Variants in ORC5 observed in about 807,000 individuals in gnomAD.
ORC5 encodes the protein origin recognition complex subunit 5, also known as protein phosphatase 1, regulatory subunit 117.
A neutral mutation model predicts 58.8 loss-of-function variants in ORC5; 39 were observed. The observed-to-expected ratio is 0.66, with a 90% CI of 0.51 to 0.87. The LOEUF is 0.87. Ranked by LOEUF, ORC5 falls within the 40% of genes least tolerant of loss-of-function variation. The probability of loss-of-function intolerance (pLI) is 0.00; values close to 1 mark genes in which losing one functional copy is unlikely to be tolerated. For synonymous variants in ORC5, 218 were observed against 177.6 expected (o/e 1.23, Z -1.81); for missense variants, 493 against 506.3 (o/e 0.97, Z 0.25).
At chr7:104,126,951 T>C in intron 13 of ORC5, 58 bp from the exon 14 acceptor site, 1 of 1,267,420 alleles carries the variant, frequency 7.9e-7, no homozygotes, top group Non-Finnish European at 1.1e-6. Flanking sequence ...CTCAGCTTTG[T>C]ATGATTCTGG....
chr7:104,179,421 C>G (rs1354815922), intron 8 of ORC5, among the ~76,000 whole-genome samples: 1 of 152,090 alleles, frequency 6.6e-6, no homozygotes, highest in African/African-American at 2.4e-5. Context: ...TGTGATCAAG[C>G]TGGCTGTAAT....
At chr7:104,183,873 TTTAAG>T (rs1340508609) in intron 8 of ORC5, 65 bp downstream of exon 8, 23 of 1,020,110 alleles carry the variant, frequency 2.3e-5, no homozygotes, top group African/African-American at 4.9e-5. Flanking sequence ...CTCTCTGTTA[TTTAAG>T]TTGAGAGAGT....
chr7:104,159,868 C>CA (rs1798995365), intron 12 of ORC5, among the ~76,000 whole-genome samples: 1 of 152,148 alleles, frequency 6.6e-6, no homozygotes, highest in Non-Finnish European at 1.5e-5. Context: ...AAACACAAAA[C>CA]AAAAAATTCC....
intron 8 of ORC5, 50 bp from the exon 9 acceptor site, chr7:104,168,575 T>C: frequency 8.1e-7 from 1 of 1,235,690 alleles, no homozygotes; most frequent in Non-Finnish European, 1.1e-6. Context: ...ATAAAATCAA[T>C]ATGGTGTACT....
chr7:104,148,760 A>ATGT (rs1798800106), intron 12 of ORC5, among the ~76,000 whole-genome samples: 1 of 152,164 alleles, frequency 6.6e-6, no homozygotes, highest in African/African-American at 2.4e-5. Flanking sequence ...ATATTGGCCA[A>ATGT]TGTTGGCTCA....
chr7:104,133,080 C>G lies in ORC5; in HGVS notation c.1262+3701G>C, dbSNP rs1300724952. Among the ~76,000 whole-genome samples the G allele has an allele frequency of 6.6e-6, 1 of 151,976 alleles. No individual in the cohort carries two copies. Among genetic ancestry groups the G allele is most frequent in the Non-Finnish European group, 1.5e-5 (1 of 68,004 alleles). ...AGATGGGGCTAGGCACAGGTAGGGG[C>G]CAGATCATTTGGGCCTTGTTAGTTA... On this transcript the variant is annotated intron_variant, in intron 13 of 13. Coordinates refer to ENST00000297431, the MANE Select transcript of ORC5 (RefSeq NM_002553.4). The surrounding 1 kb of genome is among the most constrained non-coding windows in gnomAD (Gnocchi z 4.7).
At position 104,136,780 on chromosome 7, in the gene ORC5, C is replaced by T. The variant is rs753337956; in HGVS notation, c.1262+1G>A. On this transcript the variant is annotated splice_donor_variant, in intron 13 of 13. Transcript: ENST00000297431. LOFTEE classifies it high-confidence loss of function. This position sits in a 1 kb window ranked among gnomAD's most constrained non-coding sequence, Gnocchi z 4.2. ...TCATTACATAATTCAAGACATTTTACCTTGCAATAGCTCTGATGAAGTCTA... is the reference window on the plus strand; with the variant it reads ...TCATTACATAATTCAAGACATTTTATCTTGCAATAGCTCTGATGAAGTCTA... 1.3e-6 allele frequency: 2 copies of T among 1,591,422 alleles called. No individual in the cohort carries two copies. The highest frequency in any genetic ancestry group is 1.1e-5 in the South Asian group (1 of 90,348).
intron 8 of ORC5, among the ~76,000 whole-genome samples, chr7:104,173,409 T>C (rs903632275): frequency 6.6e-6 from 1 of 152,168 alleles, no homozygotes; most frequent in Non-Finnish European, 1.5e-5. Flanking sequence ...TCTTTTAGAG[T>C]CCCTCTCTGT....
chr7:104,194,816 C>G (rs1375929151), intron 5 of ORC5, among the ~76,000 whole-genome samples: 1 of 151,988 alleles, frequency 6.6e-6, no homozygotes, highest in Non-Finnish European at 1.5e-5. Flanking sequence ...GAGAGCTGCT[C>G]ATCCAAAAAA....
intron 1 of ORC5, among the ~76,000 whole-genome samples, chr7:104,207,147 G>C (rs150872768): frequency 5.5e-4 from 83 of 152,248 alleles, no homozygotes; most frequent in African/African-American, 1.9e-3. Context: ...TTCTGATTGA[G>C]TCTGAATCAA....
chr7:104,158,056 T>C (rs923649726), intron 12 of ORC5, among the ~76,000 whole-genome samples: 35 of 152,094 alleles, frequency 2.3e-4, no homozygotes, highest in African/African-American at 8.0e-4. Context: ...ATAATAAACA[T>C]GTATCACTTA....
chr7:104,200,378 T>C (rs1365631591), intron 3 of ORC5, among the ~76,000 whole-genome samples: 1 of 152,210 alleles, frequency 6.6e-6, no homozygotes, highest in Non-Finnish European at 1.5e-5. Context: ...TGGCCTCCAT[T>C]TTCAGCTGCA....
At chr7:104,194,609 A>G (rs1274354274) in intron 5 of ORC5, among the ~76,000 whole-genome samples, 1 of 152,196 alleles carries the variant, frequency 6.6e-6, no homozygotes, top group East Asian at 1.9e-4. Context: ...GTTACAGTAA[A>G]GAAAATGAGA....
intron 5 of ORC5, among the ~76,000 whole-genome samples, chr7:104,189,385 T>C (rs1231034625): frequency 6.6e-6 from 1 of 152,060 alleles, no homozygotes; most frequent in Non-Finnish European, 1.5e-5. Context: ...GAGAACAGCA[T>C]GGGGGAATCG....
At chr7:104,153,002 T>C (rs1190620311) in intron 12 of ORC5, among the ~76,000 whole-genome samples, 2 of 152,220 alleles carry the variant, frequency 1.3e-5, no homozygotes, top group African/African-American at 2.4e-5. Flanking sequence ...AGAAATTTAA[T>C]GGCAGATTTA....
chr7:104,171,853 TCAAAAAAA>T (rs1346017842), intron 8 of ORC5, among the ~76,000 whole-genome samples: 6 of 152,066 alleles, frequency 3.9e-5, no homozygotes, highest in South Asian at 4.1e-4. Context: ...GGACCCTGTC[TCAAAAAAA>T]CAAAAAAACA....
At chr7:104,207,797 G>C (rs370087332) in intron 1 of ORC5, 36 bp downstream of exon 1, 1 of 1,570,064 alleles carries the variant, frequency 6.4e-7, no homozygotes, top group Admixed American at 1.7e-5. Flanking sequence ...CGAAACGTCT[G>C]CCTCCAGGAT....
chr7:104,204,175 G>C lies in ORC5; in HGVS notation c.132C>G (p.Thr44=). The C allele has an allele frequency of 1.3e-6, 2 of 1,598,168 alleles. No homozygotes were observed. The highest frequency in any genetic ancestry group is 8.5e-7 in the Non-Finnish European group (1 of 1,171,186). The stretch of plus-strand genomic sequence containing the variant: ...TTTTCAACAACGTTTGTGTTACATA[G>C]GTCTTTCCACTAGCAGTATGTCCAT... ...FIYGHTASGK[T]YVTQTLLKTL... is the part of the protein sequence containing the mutation. Residue 44 remains threonine, a synonymous_variant, in exon 2 of 14, where the codon ACC becomes ACG. Coordinates refer to ENST00000297431, the MANE Select transcript of ORC5 (RefSeq NM_002553.4).
chr7:104,139,651 C>T (rs1798642058), intron 12 of ORC5, among the ~76,000 whole-genome samples: 1 of 152,044 alleles, frequency 6.6e-6, no homozygotes, highest in Admixed American at 6.5e-5. Flanking sequence ...CAAAGCTCTG[C>T]ATTCAAAAGG....
Sources: gnomAD v4.1 joint callset for allele counts (sites outside exome capture counted in the v4.1 genomes callset) on GRCh38, gnomAD v4.1.1 for gene constraint, Gnocchi (gnomAD v3.1) non-coding constraint, MANE v1.5 for transcripts, NCBI Gene and HGNC (gene_info 2026-07-23, HGNC 2026-07-21) for gene names.